LRFN2: variants seen among roughly 807,000 people sequenced by gnomAD.
LRFN2 encodes leucine-rich repeat and fibronectin type-III domain-containing protein 2.
A neutral mutation model predicts 37.3 loss-of-function variants in LRFN2; 18 were observed. The observed-to-expected ratio is 0.48, with a 90% CI of 0.33 to 0.72. The LOEUF is 0.72. Ranked by LOEUF, LRFN2 falls within the 30% of genes least tolerant of loss-of-function variation. The pLI, the probability that LRFN2 is intolerant of heterozygous loss-of-function variation, is 0.02. For synonymous variants in LRFN2, 556 were observed against 466.6 expected (o/e 1.19, Z -2.47); for missense variants, 1,006 against 1,060.7 (o/e 0.95, Z 0.72).
chr6:40,568,672 A>G (rs1230220166), intron 1 of LRFN2, among the ~76,000 whole-genome samples: 1 of 141,752 alleles, frequency 7.1e-6, no homozygotes, highest in Non-Finnish European at 1.5e-5. Context: ...GGGTTACTAA[A>G]CGTCTCCCCC....
intron 1 of LRFN2, among the ~76,000 whole-genome samples, chr6:40,500,540 G>A (rs1036317936): frequency 6.6e-6 from 1 of 152,220 alleles, no homozygotes; most frequent in Non-Finnish European, 1.5e-5. Context: ...AGTGAAAGAA[G>A]CAGTGTACAA....
At chr6:40,512,064 G>C (rs571941496) in intron 1 of LRFN2, among the ~76,000 whole-genome samples, 1 of 152,188 alleles carries the variant, frequency 6.6e-6, no homozygotes, top group Admixed American at 6.5e-5. Flanking sequence ...ACTTTTGGAC[G>C]CTTAAAATCC....
At chr6:40,473,647 A>G (rs914027876) in intron 1 of LRFN2, among the ~76,000 whole-genome samples, 1 of 152,206 alleles carries the variant, frequency 6.6e-6, no homozygotes, top group African/African-American at 2.4e-5. Context: ...TACATGTGCC[A>G]TGGTGGTTTG....
At chr6:40,457,705 G>T (rs1479349184) in intron 1 of LRFN2, among the ~76,000 whole-genome samples, 1 of 151,126 alleles carries the variant, frequency 6.6e-6, no homozygotes. Context: ...AAACCTGAAG[G>T]TGCCATGATT....
At chr6:40,540,092 G>A (rs1022388400) in intron 1 of LRFN2, among the ~76,000 whole-genome samples, 2 of 152,196 alleles carry the variant, frequency 1.3e-5, no homozygotes, top group African/African-American at 4.8e-5. Flanking sequence ...GAGAACACAT[G>A]TGGTGTCTGA....
chr6:40,492,085 TGA>T (rs1765106536), intron 1 of LRFN2, among the ~76,000 whole-genome samples: 1 of 152,236 alleles, frequency 6.6e-6, no homozygotes, highest in African/African-American at 2.4e-5. Context: ...TTACCCTCTC[TGA>T]GTGTGTTTCC....
intron 1 of LRFN2, among the ~76,000 whole-genome samples, chr6:40,561,290 G>A (rs900681222): frequency 1.3e-5 from 2 of 152,176 alleles, no homozygotes; most frequent in African/African-American, 4.8e-5. Context: ...CCTGGGCCCA[G>A]GCCCTCACAT....
At chr6:40,395,545 A>G (rs1229800742) in intron 2 of LRFN2, among the ~76,000 whole-genome samples, 1 of 152,226 alleles carries the variant, frequency 6.6e-6, no homozygotes, top group Non-Finnish European at 1.5e-5. Flanking sequence ...TGAGTCCTCC[A>G]GGGCCTCGTT....
Position 40,432,909 on chromosome 6 carries a change from G to T in LRFN2, c.205C>A (p.Arg69Ser). ...LGGNFIIHIS[R>S]QDFANMTGLV... ...CCCGTCATGTTGGCAAAGTCCTGGC[G>T]GCTGATGTGGATGATGAAGTTGCCG... is the stretch of plus-strand genomic sequence containing the variant. The change falls in exon 2 of 3, where the codon CGC becomes AGC. Residue 69 changes from arginine to serine, a missense_variant. Arg to Ser is a moderately radical substitution (Grantham distance 110). Transcript: ENST00000338305. The T allele has an allele frequency of 6.2e-7, 1 of 1,614,220 alleles. No individual in the cohort carries two copies. Among genetic ancestry groups the T allele is most frequent in the African/African-American group, 1.3e-5 (1 of 75,082 alleles).
chr6:40,464,711 C>T (rs1209386324), intron 1 of LRFN2, among the ~76,000 whole-genome samples: 1 of 152,198 alleles, frequency 6.6e-6, no homozygotes, highest in Non-Finnish European at 1.5e-5. Context: ...TGTGACTCTG[C>T]CTTCCGTGGC....
chr6:40,535,217 G>A (rs1022539729), intron 1 of LRFN2, among the ~76,000 whole-genome samples: 2 of 152,238 alleles, frequency 1.3e-5, no homozygotes, highest in South Asian at 2.1e-4. Flanking sequence ...CAGCCACCTC[G>A]CCTGCCTGTC....
Position 40,565,125 on chromosome 6 carries a change from G to A in LRFN2, c.-19+21816C>T, listed in dbSNP as rs529686804. Among the ~76,000 whole-genome samples the A allele has an allele frequency of 1.4e-4, 21 of 152,270 alleles. No homozygotes were observed. The South Asian group carries it at 2.5e-3, about 18-fold the overall frequency. The stretch of plus-strand genomic sequence containing the variant: ...TAAGAGCCAGGACCATCTAGCAGAG[G>A]ACGTAGATCCCAAATCATTATAGAA... On this transcript the variant is annotated intron_variant, in intron 1 of 2. Transcript: ENST00000338305.
rs960540005 is a variant in LRFN2 at position 40,391,600 on chromosome 6, A to G, written c.*343T>C. The G allele has an allele frequency of 9.7e-6, 2 of 206,414 alleles. No homozygotes were observed. The highest frequency in any genetic ancestry group is 1.9e-5 in the Non-Finnish European group (2 of 103,808). The allele number at this position is 206,414 out of a possible 1,614,324, so 12.8% of individuals were successfully genotyped here. On this transcript the variant is annotated 3_prime_UTR_variant, in exon 3 of 3. Transcript: ENST00000338305. Reference sequence around the variant, plus strand: ...GAGGAGGAGTCTGGGAAATGGAAAAAAAATAAATTAAGAAATAAAAACAAC... The same window carrying G: ...GAGGAGGAGTCTGGGAAATGGAAAAGAAATAAATTAAGAAATAAAAACAAC...
rs1762507243 is a variant in LRFN2, at chr6:40,391,764, G to A, written c.*179C>T. 5.5e-6 allele frequency: 3 copies of A among 544,944 alleles called. No homozygotes were observed. The highest frequency in any genetic ancestry group is 3.9e-5 in the Admixed American group (1 of 25,804). 33.8% of individuals were successfully genotyped at this position (544,944 alleles called of 1,614,324 possible). A position where few individuals can be genotyped will look rare whatever the true frequency, so the allele number is the denominator to read the frequency against. ...CACATTCCCTGAGCACACCCCGGCCGGGTGGTGGGGAGGTGATGTGGGTGT... is the reference window on the plus strand; with the variant it reads ...CACATTCCCTGAGCACACCCCGGCCAGGTGGTGGGGAGGTGATGTGGGTGT... On this transcript the variant is annotated 3_prime_UTR_variant, in exon 3 of 3. Transcript: ENST00000338305.
At chr6:40,499,890 C>T (rs983597499) in intron 1 of LRFN2, among the ~76,000 whole-genome samples, 1 of 152,206 alleles carries the variant, frequency 6.6e-6, no homozygotes, top group Non-Finnish European at 1.5e-5. Context: ...GTTTTCTCAT[C>T]TGGAAAATGG....
chr6:40,505,646 C>T (rs894918739), intron 1 of LRFN2, among the ~76,000 whole-genome samples: 1 of 152,148 alleles, frequency 6.6e-6, no homozygotes, highest in Non-Finnish European at 1.5e-5. Flanking sequence ...GGGTGGAGGC[C>T]CTGATTGACA....
At chr6:40,452,041 A>T (rs2436742) in intron 1 of LRFN2, among the ~76,000 whole-genome samples, 139,221 of 152,082 alleles carry the variant, frequency 0.92, 64,982 homozygotes, top group Non-Finnish European at 1. Flanking sequence ...GTCACTGTAG[A>T]TATCACCATT....
intron 1 of LRFN2, among the ~76,000 whole-genome samples, chr6:40,555,584 C>T (rs964457357): frequency 2.6e-5 from 4 of 152,174 alleles, no homozygotes; most frequent in Admixed American, 2.0e-4. Context: ...TCTGTGCCTC[C>T]TGGAATTGTG....
Position 40,392,281 on chromosome 6 carries a change from T to C in LRFN2, c.2032A>G (p.Thr678Ala). ...GTCCCAGCCCCTCTCCCGGCTGGAGTCCTGGAGTCCAGCAGCTCCTCCTTT... is the reference window on the plus strand; with the variant it reads ...GTCCCAGCCCCTCTCCCGGCTGGAGCCCTGGAGTCCAGCAGCTCCTCCTTT... ...QRKEELLDSRTPAGRGAGTSA... is the reference protein window; with the variant it reads ...QRKEELLDSRAPAGRGAGTSA... The change falls in exon 3 of 3, where the codon ACT (threonine) becomes GCT (alanine). Residue 678 changes from threonine to alanine, a missense_variant. By Grantham distance (58) the Thr-to-Ala change is moderately conservative. This residue lies in a region of LRFN2 where 398 missense variants were observed against 327.6 expected (regional missense o/e 1.21). Transcript: ENST00000338305. This position sits in a 1 kb window ranked among gnomAD's most constrained non-coding sequence, Gnocchi z 4.7. 6.2e-7 allele frequency: 1 copy of C among 1,604,226 alleles called. No individual in the cohort carries two copies. The highest frequency in any genetic ancestry group is 8.5e-7 in the Non-Finnish European group (1 of 1,176,330).
Sources: allele counts gnomAD v4.1 joint callset (sites outside exome capture counted in the v4.1 genomes callset), GRCh38; gene constraint gnomAD v4.1.1; regional missense constraint gnomAD v4.1.1; non-coding constraint Gnocchi (gnomAD v3.1); transcripts MANE v1.5; gene names NCBI Gene and HGNC (gene_info 2026-07-23, HGNC 2026-07-21).